ZNF35: variants seen among roughly 807,000 people sequenced by gnomAD.
ZNF35 encodes the protein zinc finger protein 35 (clone HF.10).
Under a neutral mutation model 45.9 loss-of-function variants are expected in ZNF35, and 31 were observed. The ratio of observed to expected loss-of-function variants is 0.68; its 90% CI spans 0.51 to 0.91. The LOEUF (loss-of-function observed/expected upper bound fraction) is 0.91. Ranked by LOEUF, ZNF35 falls within the 40% of genes least tolerant of loss-of-function variation. The pLI is 0.00. For missense variants in ZNF35, 515 were observed against 625.4 expected (o/e 0.82, Z 1.88); for synonymous variants, 205 against 220.2 (o/e 0.93, Z 0.61).
chr3:44,650,760 A>G (rs1703186779), intron 1 of ZNF35, among the ~76,000 whole-genome samples, 181 bp from the exon 2 acceptor site: 1 of 152,236 alleles, frequency 6.6e-6, no homozygotes, highest in African/African-American at 2.4e-5. Context: ...TATTATGGGA[A>G]GATATTACAT....
At position 44,659,471 on chromosome 3, in the gene ZNF35, G is replaced by A; in HGVS notation, c.1108G>A (p.Ala370Thr). ...KPFACNDCGKAFTQSANLIVH... is the reference protein window; with the variant it reads ...KPFACNDCGKTFTQSANLIVH... ...CTTTGCCTGTAACGACTGTGGCAAAGCCTTTACCCAGAGTGCAAATCTTAT... is the reference window on the plus strand; with the variant it reads ...CTTTGCCTGTAACGACTGTGGCAAAACCTTTACCCAGAGTGCAAATCTTAT... Residue 370 changes from alanine (A) to threonine (T), a missense_variant, in exon 4 of 4, where the codon GCC becomes ACC. Physicochemically the swap from Ala to Thr is moderately conservative, Grantham distance 58. Transcript: ENST00000396056. The surrounding 1 kb of genome is among the most constrained non-coding windows in gnomAD (Gnocchi z 4.3). 6.2e-7 allele frequency: 1 copy of A among 1,614,082 alleles called. No individual in the cohort carries two copies. The highest frequency in any genetic ancestry group is 1.1e-5 in the South Asian group (1 of 91,074).
rs746066752 is a variant in ZNF35 at position 44,659,076 on chromosome 3, T to C, written c.713T>C (p.Val238Ala). Reference sequence around the variant, plus strand: ...GGATTTAGTCAGAGTGCAAACCTCGTTGTGCATCAGCGAATCCACACTGGA... The same window carrying C: ...GGATTTAGTCAGAGTGCAAACCTCGCTGTGCATCAGCGAATCCACACTGGA... ...GKGFSQSANL[V>A]VHQRIHTGEK... The change falls in exon 4 of 4, where the codon GTT becomes GCT. Residue 238 changes from valine (V) to alanine (A), a missense_variant. Physicochemically the swap from Val to Ala is moderately conservative, Grantham distance 64. This residue lies in a region of ZNF35 where 275 missense variants were observed against 295.7 expected (regional missense o/e 0.93). Coordinates refer to ENST00000396056, the MANE Select transcript of ZNF35 (RefSeq NM_003420.4). This position sits in a 1 kb window ranked among gnomAD's most constrained non-coding sequence, Gnocchi z 4.3. 1.9e-6 allele frequency: 3 copies of C among 1,614,090 alleles called. No individual in the cohort carries two copies. The Admixed American group carries it at 5.0e-5, about 27-fold the overall frequency.
At chr3:44,649,069 G>C (rs1298117579) in intron 1 of ZNF35, among the ~76,000 whole-genome samples, 4 of 152,250 alleles carry the variant, frequency 2.6e-5, no homozygotes, top group African/African-American at 9.6e-5. Flanking sequence ...ATAGGTCCCA[G>C]GGACAGGGCC....
intron 3 of ZNF35, among the ~76,000 whole-genome samples, chr3:44,655,814 T>G (rs1419029864): frequency 6.6e-6 from 1 of 152,238 alleles, no homozygotes; most frequent in Admixed American, 6.5e-5. Flanking sequence ...ATTATTCAGA[T>G]AGAAGGAATT....
At chr3:44,655,012 T>G (rs759299173) in intron 3 of ZNF35, among the ~76,000 whole-genome samples, 119 of 152,090 alleles carry the variant, frequency 7.8e-4, no homozygotes, top group Non-Finnish European at 1.0e-3. Flanking sequence ...TGCGTGCCTA[T>G]AGTCCCAGCT....
chr3:44,659,824 G>C lies in ZNF35; in HGVS notation c.1461G>C (p.Ser487=). ...NECGKAFRQR[S]SLTVHQRTHT... ...GTGGGAAGGCCTTCAGACAGAGGTC[G>C]AGCCTCACCGTGCACCAGAGAACCC... Residue 487 remains serine, a synonymous_variant, in exon 4 of 4, where the codon TCG becomes TCC. Transcript: ENST00000396056. The surrounding 1 kb of genome is among the most constrained non-coding windows in gnomAD (Gnocchi z 4.3). 6.2e-7 allele frequency: 1 copy of C among 1,608,844 alleles called. No individual in the cohort carries two copies. The highest frequency in any genetic ancestry group is 8.5e-7 in the Non-Finnish European group (1 of 1,178,024).
intron 3 of ZNF35, among the ~76,000 whole-genome samples, chr3:44,656,004 C>G (rs3772377): frequency 0.85 from 129,439 of 152,114 alleles, 55,147 homozygotes; most frequent in Middle Eastern, 0.93. Context: ...GGGAGGCCCA[C>G]GTGTCAGTGA....
Position 44,658,900 on chromosome 3 carries a change from G to T in ZNF35, c.537G>T (p.Val179=). The T allele has an allele frequency of 6.2e-7, 1 of 1,612,832 alleles. No homozygotes were observed. The highest frequency in any genetic ancestry group is 8.5e-7 in the Non-Finnish European group (1 of 1,179,654). Residue 179 remains valine, a synonymous_variant, in exon 4 of 4, where the codon GTG becomes GTT. Coordinates refer to ENST00000396056, the MANE Select transcript of ZNF35 (RefSeq NM_003420.4). ...REKKDFRQVI[V]NDCHLPESFK... ...AGAAAGATTTCAGACAAGTGATAGT[G>T]AATGACTGTCACTTACCTGAAAGCT...
intron 3 of ZNF35, 31 bp from the exon 4 acceptor site, chr3:44,658,670 T>G: frequency 1.3e-6 from 2 of 1,530,538 alleles, no homozygotes; most frequent in Non-Finnish European, 1.7e-6. Flanking sequence ...CAGAGAAAGC[T>G]AACATTTGTA....
At chr3:44,654,804 T>C (rs528739972) in intron 3 of ZNF35, among the ~76,000 whole-genome samples, 65 of 152,340 alleles carry the variant, frequency 4.3e-4, no homozygotes, top group African/African-American at 1.4e-3. Flanking sequence ...CTTTAACTTA[T>C]GTTCAGTTAA....
chr3:44,657,955 G>T (rs919539009), intron 3 of ZNF35, among the ~76,000 whole-genome samples: 2 of 152,302 alleles, frequency 1.3e-5, no homozygotes, highest in East Asian at 3.9e-4. Flanking sequence ...ATGGCCTTAT[G>T]AGGTAGATAC....
chr3:44,660,059 A>C lies in ZNF35; in HGVS notation c.*112A>C. On this transcript the variant is annotated 3_prime_UTR_variant, in exon 4 of 4. Coordinates refer to ENST00000396056, the MANE Select transcript of ZNF35 (RefSeq NM_003420.4). ...TATAAAAGTGAGGGCTGTGTCCTTAAAAGTTATAGTTTTCAGGAATGCAGC... is the reference window on the plus strand; with the variant it reads ...TATAAAAGTGAGGGCTGTGTCCTTACAAGTTATAGTTTTCAGGAATGCAGC... The C allele has an allele frequency of 8.5e-7, 1 of 1,169,936 alleles. No individual in the cohort carries two copies. The highest frequency in any genetic ancestry group is 1.2e-6 in the Non-Finnish European group (1 of 864,926). 72.5% of individuals were successfully genotyped at this position (1,169,936 alleles called of 1,614,324 possible).
chr3:44,654,799 A>T (rs1218537211), intron 3 of ZNF35, among the ~76,000 whole-genome samples: 7 of 152,136 alleles, frequency 4.6e-5, no homozygotes, highest in Non-Finnish European at 1.5e-5. Flanking sequence ...TTTTTCTTTA[A>T]CTTATGTTCA....
At chr3:44,646,546 C>A (rs781108195), upstream of ZNF35, 8 of 1,260,150 alleles carry the variant, frequency 6.3e-6, no homozygotes, top group African/African-American at 1.0e-4. Context: ...GAGAAACAGA[C>A]ACATCCAGAA....
At position 44,660,148 on chromosome 3, in the gene ZNF35, G is replaced by A; in HGVS notation, c.*201G>A. 1 of 504,326 alleles carries A rather than the reference G, an allele frequency of 2.0e-6. No homozygotes were observed. 31.2% of individuals were successfully genotyped at this position (504,326 alleles called of 1,614,324 possible). On this transcript the variant is annotated 3_prime_UTR_variant, in exon 4 of 4. Coordinates refer to ENST00000396056, the MANE Select transcript of ZNF35 (RefSeq NM_003420.4). ...ACAAAAAGTAAGCACCTAAAGGCAA[G>A]GACTTTGTTTTAACTGTACCTTAAG...
At position 44,651,058 on chromosome 3, in the gene ZNF35, A is replaced by G; in HGVS notation, c.-10A>G. The G allele has an allele frequency of 6.2e-7, 1 of 1,612,184 alleles. No homozygotes were observed. Among genetic ancestry groups the G allele is most frequent in the Non-Finnish European group, 8.5e-7 (1 of 1,179,632 alleles). On this transcript the variant is annotated 5_prime_UTR_variant, in exon 2 of 4. Coordinates refer to ENST00000396056, the MANE Select transcript of ZNF35 (RefSeq NM_003420.4). ...CCCAGCTATAGGAGTTCCCCTGCTG[A>G]GCAGAGAAGATGACTGCAGAATTGA... is the stretch of plus-strand genomic sequence containing the variant.
chr3:44,654,203 A>G (rs1412726277), intron 3 of ZNF35, among the ~76,000 whole-genome samples: 1 of 152,172 alleles, frequency 6.6e-6, no homozygotes, highest in Non-Finnish European at 1.5e-5. Context: ...CCTCAAGACC[A>G]TGTTCATACC....
rs1402753 is a variant in ZNF35 at position 44,660,246 on chromosome 3, A to G, written c.*299A>G. ...TACAAAGCTAAGTGGTAATGATGCT[A>G]TTTGGGGAAAGGTCTTTTTTGCTTA... is the stretch of plus-strand genomic sequence containing the variant. On this transcript the variant is annotated 3_prime_UTR_variant, in exon 4 of 4. Coordinates refer to ENST00000396056, the MANE Select transcript of ZNF35 (RefSeq NM_003420.4). The G allele has an allele frequency of 0.27, 66,265 of 244,152 alleles. 9,928 individuals are homozygous for G. Among genetic ancestry groups the G allele is most frequent in the Non-Finnish European group, 0.32 (40,506 of 128,096 alleles). 15.1% of individuals were successfully genotyped at this position (244,152 alleles called of 1,614,324 possible). A position where few individuals can be genotyped will look rare whatever the true frequency, so the allele number is the denominator to read the frequency against.
upstream of ZNF35, chr3:44,646,682 CTTTTG>C: frequency 5.2e-6 from 3 of 574,224 alleles, no homozygotes; most frequent in Non-Finnish European, 9.4e-6. Context: ...CCATTCTCTG[CTTTTG>C]TGTATGTATG....
Sources: gnomAD v4.1 joint callset for allele counts (sites outside exome capture counted in the v4.1 genomes callset) on GRCh38, gnomAD v4.1.1 for gene constraint, gnomAD v4.1.1 regional missense constraint, Gnocchi (gnomAD v3.1) non-coding constraint, MANE v1.5 for transcripts, NCBI Gene and HGNC (gene_info 2026-07-23, HGNC 2026-07-21) for gene names.